Variants in GC observed in about 807,000 individuals in gnomAD.
GC encodes vitamin D-binding protein.
In GC, 43 loss-of-function variants were observed where a neutral mutation model predicts 56.7. The ratio of observed to expected loss-of-function variants is 0.76; its 90% CI spans 0.59 to 0.98. The LOEUF (loss-of-function observed/expected upper bound fraction) is 0.98, where lower values mean the gene tolerates loss of function less well. Ranked by LOEUF, GC falls within the 50% of genes least tolerant of loss-of-function variation. The pLI is 0.00. For missense variants in GC, 529 were observed against 545.9 expected (o/e 0.97, Z 0.31); for synonymous variants, 216 against 202.7 (o/e 1.07, Z -0.56).
intron 1 of GC, among the ~76,000 whole-genome samples, chr4:71,793,379 C>CT (rs1275206603): frequency 6.6e-6 from 1 of 152,130 alleles, no homozygotes; most frequent in African/African-American, 2.4e-5. Flanking sequence ...CTTCACATCC[C>CT]TTGTCAGTTG....
chr4:71,796,734 G>A (rs959920497), intron 1 of GC, among the ~76,000 whole-genome samples: 3 of 152,204 alleles, frequency 2.0e-5, no homozygotes, highest in African/African-American at 4.8e-5. Context: ...TCCTTTGGAG[G>A]AGAAGAGGTG....
At chr4:71,773,131 C>T (rs947687986) in intron 1 of GC, among the ~76,000 whole-genome samples, 2 of 151,938 alleles carry the variant, frequency 1.3e-5, no homozygotes, top group African/African-American at 2.4e-5. Context: ...ATGTACCATT[C>T]GGTTATAAAG....
chr4:71,786,130 A>T (rs1742827666), upstream of GC: 1 of 151,894 alleles, frequency 6.6e-6, no homozygotes, highest in Admixed American at 6.6e-5. Context: ...GAATTGCAAC[A>T]TCTCATTTAG....
exon 1 of GC, chr4:71,803,983 G>T: frequency 5.4e-6 from 7 of 1,286,168 alleles, no homozygotes; most frequent in Non-Finnish European, 7.6e-6. Context: ...CATCACCAGT[G>T]GTAGAATAGG....
At chr4:71,793,072 C>T (rs866354455) in intron 1 of GC, among the ~76,000 whole-genome samples, 40 of 152,136 alleles carry the variant, frequency 2.6e-4, no homozygotes, top group African/African-American at 9.4e-4. Flanking sequence ...AGCCTTGTAG[C>T]ATAGTTTGAA....
In GC at chr4:71,756,902, T is replaced by C. The variant is rs1293236026; in HGVS notation, c.844A>G (p.Thr282Ala). The change falls in exon 8 of 13, where the codon ACA (threonine) becomes GCA (alanine). Residue 282 changes from threonine (T) to alanine (A), a missense_variant. Transcript: ENST00000273951. The part of the protein sequence containing the change: ...DCMAKELPEH[T>A]VKLCDNLSTK... Reference sequence around the variant, plus strand: ...GATAAATTGTCACAGAGTTTTACTGTGTGTTCAGGCAGCTACAAAACGAAT... The same window carrying C: ...GATAAATTGTCACAGAGTTTTACTGCGTGTTCAGGCAGCTACAAAACGAAT... The C allele has an allele frequency of 1.9e-6, 3 of 1,610,308 alleles. No homozygotes were observed. The highest frequency in any genetic ancestry group is 3.3e-5 in the Admixed American group (2 of 59,960).
intron 1 of GC, among the ~76,000 whole-genome samples, chr4:71,802,234 A>G (rs559837354): frequency 6.6e-6 from 1 of 152,290 alleles, no homozygotes; most frequent in Admixed American, 6.5e-5. Context: ...TAGGTTATCT[A>G]GTGCTTTTAA....
chr4:71,763,886 A>G lies in GC; in HGVS notation c.524T>C (p.Leu175Ser). The G allele has an allele frequency of 1.2e-6, 2 of 1,610,090 alleles. No homozygotes were observed. Among genetic ancestry groups the G allele is most frequent in the Non-Finnish European group, 1.7e-6 (2 of 1,176,266 alleles). Reference protein sequence around the residue: ...TNYGQAPLSLLVSYTKSYLSM... With the variant: ...TNYGQAPLSLSVSYTKSYLSM... ...AAGATAACTCTTGGTGTAACTGACT[A>G]AAAGTGACAGAGGAGCTTGTCCGTA... The change falls in exon 5 of 13, where the codon TTA becomes TCA. Residue 175 changes from leucine to serine, a missense_variant. Coordinates refer to ENST00000273951, the MANE Select transcript of GC (RefSeq NM_000583.4).
chr4:71,792,273 C>G (rs1314985567), intron 1 of GC, among the ~76,000 whole-genome samples: 2 of 152,158 alleles, frequency 1.3e-5, no homozygotes, highest in Non-Finnish European at 2.9e-5. Context: ...CTAATTTACA[C>G]TCCCACCAAC....
chr4:71,757,962 A>G (rs2149297471), intron 7 of GC, 80 bp downstream of exon 7: 1 of 1,179,570 alleles, frequency 8.5e-7, no homozygotes, highest in Non-Finnish European at 1.2e-6. Flanking sequence ...ATGAAATAGA[A>G]CTTAGAAGAG....
intron 7 of GC, 24 bp from the exon 8 acceptor site, chr4:71,756,938 T>C (rs1190709179): frequency 6.7e-7 from 1 of 1,493,918 alleles, no homozygotes; most frequent in Admixed American, 1.7e-5. Context: ...GGTTAGTTTG[T>C]GCATTGTTAG....
At chr4:71,742,008 A>C (rs1741200426) in intron 12 of GC, 138 bp from the exon 13 acceptor site, 11 of 655,792 alleles carry the variant, frequency 1.7e-5, no homozygotes, top group Non-Finnish European at 2.7e-5. Flanking sequence ...AGGATGACCC[A>C]TATATCCACT....
At chr4:71,779,845 G>C (rs1455942254) in intron 1 of GC, among the ~76,000 whole-genome samples, 1 of 151,906 alleles carries the variant, frequency 6.6e-6, no homozygotes, top group East Asian at 2.0e-4. Flanking sequence ...TTCAGCCCTT[G>C]CGTAGGGCTG....
At chr4:71,785,133 C>T (rs974359126), upstream of GC, among the ~76,000 whole-genome samples, 1 of 151,694 alleles carries the variant, frequency 6.6e-6, no homozygotes, top group African/African-American at 2.4e-5. Context: ...TCCTCATATG[C>T]AATGTGGTGA....
In GC at chr4:71,763,824, T is replaced by C. The variant is rs1457428342; in HGVS notation, c.586A>G (p.Thr196Ala). ...CATACCTCTTTCAAAAAGCATACAG[T>C]TGGGCTTGCAGAGGTACAGCAGGAC... is the stretch of plus-strand genomic sequence containing the variant. ...VGSCCTSASP[T>A]VCFLKERLQL... Residue 196 changes from threonine (T) to alanine (A), a missense_variant, in exon 5 of 13, where the codon ACT becomes GCT. Coordinates refer to ENST00000273951, the MANE Select transcript of GC (RefSeq NM_000583.4). 4 of 1,613,160 alleles carry C rather than the reference T, an allele frequency of 2.5e-6. No homozygotes were observed. Among genetic ancestry groups the C allele is most frequent in the African/African-American group, 1.3e-5 (1 of 75,008 alleles).
chr4:71,802,644 A>G (rs1193600297), intron 1 of GC, among the ~76,000 whole-genome samples: 1 of 152,220 alleles, frequency 6.6e-6, no homozygotes, highest in Admixed American at 6.5e-5. Flanking sequence ...GTTAGGAACC[A>G]CTTGTACTAT....
In GC at chr4:71,800,362, G is replaced by A. The variant is rs1359838298; in HGVS notation, c.21+3564C>T. 3.3e-5 allele frequency among the ~76,000 whole-genome samples: 5 copies of A among 152,134 alleles called. 1 individual carries two copies. The highest frequency in any genetic ancestry group is 5.9e-5 in the Non-Finnish European group (4 of 68,022). ...TTTTCTGTTCCTATGTTAGTTTGCT[G>A]AGGATGATGGCTTCCAGCATCATAC... On this transcript the variant is annotated intron_variant, in intron 1 of 13. Transcript: ENST00000504199.
At chr4:71,766,308 C>T (rs908096650) in intron 3 of GC, among the ~76,000 whole-genome samples, 15 of 152,162 alleles carry the variant, frequency 9.9e-5, no homozygotes, top group African/African-American at 3.6e-4. Context: ...TTTTCCCAAG[C>T]TCCAAGATTT....
chr4:71,779,446 C>T (rs1357391373), intron 1 of GC, among the ~76,000 whole-genome samples: 1 of 151,762 alleles, frequency 6.6e-6, no homozygotes, highest in East Asian at 2.0e-4. Context: ...AATATCTGGA[C>T]AATCAATGTT....
Sources: allele counts gnomAD v4.1 joint callset (sites outside exome capture counted in the v4.1 genomes callset), GRCh38; gene constraint gnomAD v4.1.1; transcripts MANE v1.5; gene names NCBI Gene and HGNC (gene_info 2026-07-23, HGNC 2026-07-21).